CENPN: variants seen among roughly 807,000 people sequenced by gnomAD.
CENPN encodes centromere protein N.
CENPN carries 36 observed loss-of-function variants against 48.6 expected under a neutral mutation model. That is an observed-to-expected ratio of 0.74 (90% CI 0.57 to 0.98). CENPN has a LOEUF of 0.98. CENPN is among the 50% of genes least tolerant of loss of function. CENPN has a pLI of 0.00. For missense variants in CENPN, 439 were observed against 399.2 expected (o/e 1.10, Z -0.85); for synonymous variants, 166 against 135.2 (o/e 1.23, Z -1.58).
chr16:81,020,781 C>T (rs1045296454), intron 6 of CENPN, among the ~76,000 whole-genome samples: 1 of 152,070 alleles, frequency 6.6e-6, no homozygotes, highest in Admixed American at 6.6e-5. Flanking sequence ...TTTCCTTTGA[C>T]AAGATGGTTA....
rs779363972 is a variant in CENPN at position 81,012,063 on chromosome 16, C to T, written c.124C>T (p.Arg42Ter). 1.5e-5 allele frequency: 25 copies of T among 1,613,928 alleles called. No individual in the cohort carries two copies. Among genetic ancestry groups the T allele is most frequent in the Non-Finnish European group, 1.9e-5 (23 of 1,180,000 alleles). ...AAATCAACTGCAGACTGTAAATTTC[C>T]GACAGAGAAAGGAATCTGTAGTTCA... ...SENQLQTVNFRQRKESVVQHL... is the reference protein window; with the variant it reads ...SENQLQTVNF The change falls in exon 2 of 11, where the codon CGA becomes TGA. Residue 42 changes from arginine to a stop codon, truncating the protein, a stop_gained. Transcript: ENST00000305850. LOFTEE classifies it high-confidence loss of function.
chr16:81,015,460 G>C (rs1004729400), intron 3 of CENPN, among the ~76,000 whole-genome samples: 2 of 152,220 alleles, frequency 1.3e-5, no homozygotes, highest in Non-Finnish European at 2.9e-5. Context: ...TTAAATAAGA[G>C]TACATGTTAA....
chr16:81,023,593 C>T (rs1014467361), intron 7 of CENPN: 3 of 152,192 alleles, frequency 2.0e-5, no homozygotes, highest in African/African-American at 7.2e-5. Flanking sequence ...TAGCCATCCC[C>T]TCCTACCTAC....
chr16:81,025,594 G>A (rs180770680), intron 8 of CENPN, among the ~76,000 whole-genome samples: 1 of 151,778 alleles, frequency 6.6e-6, no homozygotes, highest in East Asian at 1.9e-4. Context: ...ACAATGTTAT[G>A]CATCTGTGGT....
intron 5 of CENPN, among the ~76,000 whole-genome samples, chr16:81,018,059 T>C (rs1245098514): frequency 6.6e-6 from 1 of 152,174 alleles, no homozygotes; most frequent in African/African-American, 2.4e-5. Flanking sequence ...AGGAGCTCAG[T>C]CCAACAGAGC....
chr16:81,019,970 G>A, intron 5 of CENPN, 130 bp from the exon 6 acceptor site: 12 of 544,680 alleles, frequency 2.2e-5, no homozygotes, highest in South Asian at 4.2e-5. Flanking sequence ...AAGCAGAAAA[G>A]ACTGCCAGGT....
At chr16:81,019,578 T>C (rs1012330389) in intron 5 of CENPN, among the ~76,000 whole-genome samples, 1 of 152,152 alleles carries the variant, frequency 6.6e-6, no homozygotes, top group Admixed American at 6.6e-5. Context: ...GGTTAGATGC[T>C]AAGAAGGCTT....
chr16:81,021,817 C>T (rs369908388), intron 6 of CENPN, among the ~76,000 whole-genome samples: 69 of 151,296 alleles, frequency 4.6e-4, no homozygotes, highest in Middle Eastern at 3.4e-3. Context: ...TGCAGTGGGG[C>T]GATCTTGGCT....
chr16:81,019,009 T>C lies in CENPN; in HGVS notation c.355-1091T>C, dbSNP rs138376121. 4.3e-3 allele frequency among the ~76,000 whole-genome samples: 659 copies of C among 152,310 alleles called. 23 individuals carry two copies. The highest frequency in any genetic ancestry group is 0.039 in the Admixed American group (602 of 15,292). The stretch of plus-strand genomic sequence containing the variant: ...CCAATTGGCAACCATATTTAAAAGT[T>C]TGGAAAGGCCTGTATTTTATCCATG... On this transcript the variant is annotated intron_variant, in intron 5 of 10. Coordinates refer to ENST00000305850, the MANE Select transcript of CENPN (RefSeq NM_001100624.3).
At chr16:81,020,840 A>C (rs1970156221) in intron 6 of CENPN, among the ~76,000 whole-genome samples, 1 of 152,206 alleles carries the variant, frequency 6.6e-6, no homozygotes, top group Non-Finnish European at 1.5e-5. Context: ...CTGTAATCCC[A>C]ATACTTTGGG....
At position 81,031,167 on chromosome 16, in the gene CENPN, A is replaced by G. The variant is rs1449230964; in HGVS notation, c.*2516A>G. ...ATGACCTGCAACTTGAAAAAAAATT[A>G]AAAGCTCCAAAAAAAAAACAATACA... On this transcript the variant is annotated 3_prime_UTR_variant, in exon 11 of 11. Coordinates refer to ENST00000305850, the MANE Select transcript of CENPN (RefSeq NM_001100624.3). 6.6e-6 allele frequency: 1 copy of G among 151,020 alleles called. No homozygotes were observed. Among genetic ancestry groups the G allele is most frequent in the Non-Finnish European group, 1.5e-5 (1 of 67,664 alleles). The allele number at this position is 151,020 out of a possible 1,614,324, so 9.4% of individuals were successfully genotyped here. A position where few individuals can be genotyped will look rare whatever the true frequency, so the allele number is the denominator to read the frequency against.
chr16:81,020,094 A>C lies in CENPN; in HGVS notation c.355-6A>C. The C allele has an allele frequency of 1.3e-6, 2 of 1,587,026 alleles. No homozygotes were observed. The highest frequency in any genetic ancestry group is 1.7e-6 in the Non-Finnish European group (2 of 1,172,568). On this transcript the variant is annotated splice_region_variant and splice_polypyrimidine_tract_variant and intron_variant, in intron 5 of 10. Coordinates refer to ENST00000305850, the MANE Select transcript of CENPN (RefSeq NM_001100624.3). ...AATTAAGCCTTTTTTTTTTTTCTTT[A>C]ATAAGGTGACAGTCAGCTTCAGAGA...
chr16:81,020,111 C>A lies in CENPN; in HGVS notation c.366C>A (p.Ser122Arg), dbSNP rs1279718663. The change falls in exon 6 of 11, where the codon AGC becomes AGA. Residue 122 changes from serine (S) to arginine (R), a missense_variant. Physicochemically the swap from Ser to Arg is moderately radical, Grantham distance 110. Coordinates refer to ENST00000305850, the MANE Select transcript of CENPN (RefSeq NM_001100624.3). ...TTTTCTTTAATAAGGTGACAGTCAG[C>A]TTCAGAGAAACTGAGGAGAATGCAG... ...LQRALKNVTV[S>R]FRETEENAVW... The A allele has an allele frequency of 1.2e-6, 2 of 1,603,372 alleles. No individual in the cohort carries two copies. The highest frequency in any genetic ancestry group is 1.7e-6 in the Non-Finnish European group (2 of 1,177,170).
At chr16:81,019,425 C>T (rs577157182) in intron 5 of CENPN, among the ~76,000 whole-genome samples, 1 of 151,130 alleles carries the variant, frequency 6.6e-6, no homozygotes, top group African/African-American at 2.4e-5. Flanking sequence ...CTATGTTGTC[C>T]AGGTTGGTCT....
intron 3 of CENPN, among the ~76,000 whole-genome samples, chr16:81,015,630 C>G (rs1281457840): frequency 6.6e-6 from 1 of 152,214 alleles, no homozygotes; most frequent in Non-Finnish European, 1.5e-5. Context: ...TTTAGTTTGT[C>G]TCATTTTCAG....
chr16:81,014,103 C>T (rs1969846319), intron 2 of CENPN, 33 bp from the exon 3 acceptor site: 7 of 1,592,292 alleles, frequency 4.4e-6, no homozygotes, highest in Non-Finnish European at 5.2e-6. Flanking sequence ...AACCTATAAC[C>T]ACAGTTACTA....
chr16:81,027,603 C>T (rs1009835048), intron 9 of CENPN, among the ~76,000 whole-genome samples: 3 of 152,218 alleles, frequency 2.0e-5, no homozygotes. Flanking sequence ...GTAAAGGGCA[C>T]CTGAGGGTGG....
In CENPN at chr16:81,030,424, TA is replaced by T; in HGVS notation, c.*1775del. 1.0e-6 allele frequency: 1 copy of T among 981,906 alleles called. No individual in the cohort carries two copies. Among genetic ancestry groups the T allele is most frequent in the Non-Finnish European group, 1.2e-6 (1 of 826,836 alleles). 60.8% of individuals were successfully genotyped at this position (981,906 alleles called of 1,614,324 possible). A position where few individuals can be genotyped will look rare whatever the true frequency, so the allele number is the denominator to read the frequency against. Reference sequence around the variant, plus strand: ...GGGGGAGGGGGTTTCCCCCACACATTAAGCAAGTGTGAAACATGATATAGAA... The same window carrying T: ...GGGGGAGGGGGTTTCCCCCACACATTAGCAAGTGTGAAACATGATATAGAA... On this transcript the variant is annotated 3_prime_UTR_variant, in exon 11 of 11. Coordinates refer to ENST00000305850, the MANE Select transcript of CENPN (RefSeq NM_001100624.3).
intron 7 of CENPN, 154 bp from the exon 8 acceptor site, chr16:81,024,561 C>T (rs1970372431): frequency 4.8e-6 from 2 of 415,818 alleles, no homozygotes; most frequent in Non-Finnish European, 8.3e-6. Context: ...TGTCAGTGTC[C>T]TGCTCAACTC....
Sources: allele counts gnomAD v4.1 joint callset (sites outside exome capture counted in the v4.1 genomes callset), GRCh38; gene constraint gnomAD v4.1.1; transcripts MANE v1.5; gene names NCBI Gene and HGNC (gene_info 2026-07-23, HGNC 2026-07-21).